AIRE: variants seen among roughly 807,000 people sequenced by gnomAD.
AIRE encodes the protein autoimmune polyendocrinopathy candidiasis ectodermal dystrophy protein.
Under a neutral mutation model 62.1 loss-of-function variants are expected in AIRE, and 52 were observed. That is an observed-to-expected ratio of 0.84 (90% CI 0.67 to 1.06). The LOEUF is 1.06. Among genes scored for constraint, AIRE ranks in the 50% least tolerant of loss-of-function variants. The probability of loss-of-function intolerance (pLI) is 0.00; values close to 1 mark genes in which losing one functional copy is unlikely to be tolerated. For synonymous variants in AIRE, 342 were observed against 321.6 expected, an observed-to-expected ratio of 1.06 and a Z score of -0.68; for missense variants, 774 against 755.8, an observed-to-expected ratio of 1.02 and a Z score of -0.28.
chr21:44,288,302 A>G (rs776389119), intron 4 of AIRE, 43 bp from the exon 5 acceptor site: 2 of 1,426,558 alleles, frequency 1.4e-6, no homozygotes, highest in South Asian at 2.3e-5. Flanking sequence ...GCTTGGGAAC[A>G]GTCTTCCCCA....
At chr21:44,296,847 C>G (rs1014282164) in intron 13 of AIRE, among the ~76,000 whole-genome samples, 5 of 152,134 alleles carry the variant, frequency 3.3e-5, no homozygotes, top group African/African-American at 4.8e-5. Flanking sequence ...TCCCAGACCC[C>G]GTCCCTCTAA....
chr21:44,293,159 G>C lies in AIRE; in HGVS notation c.1262G>C (p.Gly421Ala). 1 of 1,568,610 alleles carries C rather than the reference G, an allele frequency of 6.4e-7. No homozygotes were observed. Among genetic ancestry groups the C allele is most frequent in the East Asian group, 2.3e-5 (1 of 42,948 alleles). ...SSALHPLLCV[G>A]PEGQQNLAPG... ...GCCCTGCACCCCCTACTGTGTGTGG[G>C]TCCTGAGGGTCAGCAGGTGAGCGGG... The change falls in exon 10 of 14, where the codon GGT (glycine) becomes GCT (alanine). Residue 421 changes from glycine to alanine, a missense_variant. Transcript: ENST00000291582.
chr21:44,297,630 G>A lies in AIRE; in HGVS notation c.1567-26G>A, dbSNP rs752396655. The A allele has an allele frequency of 6.3e-7, 1 of 1,595,550 alleles. No individual in the cohort carries two copies. Among genetic ancestry groups the A allele is most frequent in the East Asian group, 2.2e-5 (1 of 44,774 alleles). ...GGCTGCGGCGGGGGCGCACCTGGAG[G>A]TTCTCACCGTCACTCTGTCCCGCAG... On this transcript the variant is annotated intron_variant, in intron 13 of 13. Coordinates refer to ENST00000291582, the MANE Select transcript of AIRE (RefSeq NM_000383.4). This position sits in a 1 kb window ranked among gnomAD's most constrained non-coding sequence, Gnocchi z 4.8.
rs1324885204 is a variant in AIRE, at chr21:44,296,511, G to A, written c.1566+66G>A. 62 of 1,480,048 alleles carry A rather than the reference G, an allele frequency of 4.2e-5. No homozygotes were observed. In the South Asian group the frequency reaches 6.2e-4, roughly 15 times the overall value. The allele number at this position is 1,480,048 out of a possible 1,614,324, so 91.7% of individuals were successfully genotyped here. ...CTCCCCTGCCTCAGCCGGCACCCAG[G>A]CTCCCCACTCTGGGGGAGGACTGCC... On this transcript the variant is annotated intron_variant, in intron 13 of 13. Transcript: ENST00000291582.
Position 44,286,781 on chromosome 21 carries a change from C to T in AIRE, c.307+50C>T, listed in dbSNP as rs1216687217. 6.2e-7 allele frequency: 1 copy of T among 1,602,398 alleles called. No individual in the cohort carries two copies. Among genetic ancestry groups the T allele is most frequent in the African/African-American group, 1.3e-5 (1 of 74,798 alleles). Reference sequence around the variant, plus strand: ...GCTGGGGGCCTGGGGCAGCTGCTGTCACCTGCTCAGCCCAGCTGGACTGGA... The same window carrying T: ...GCTGGGGGCCTGGGGCAGCTGCTGTTACCTGCTCAGCCCAGCTGGACTGGA... On this transcript the variant is annotated intron_variant, in intron 2 of 13. Transcript: ENST00000291582. This position sits in a 1 kb window ranked among gnomAD's most constrained non-coding sequence, Gnocchi z 6.0.
chr21:44,297,866 T>G lies in AIRE; in HGVS notation c.*139T>G. On this transcript the variant is annotated 3_prime_UTR_variant, in exon 14 of 14. Coordinates refer to ENST00000291582, the MANE Select transcript of AIRE (RefSeq NM_000383.4). The surrounding 1 kb of genome is among the most constrained non-coding windows in gnomAD (Gnocchi z 4.8). ...GTCAGTGCTCGGCTGTAAACAGCTC[T>G]GTGTTTCTGGGGACACCAGCCATCA... 1.2e-6 allele frequency: 1 copy of G among 810,066 alleles called. No individual in the cohort carries two copies. The highest frequency in any genetic ancestry group is 2.0e-6 in the Non-Finnish European group (1 of 488,544). 50.2% of individuals were successfully genotyped at this position (810,066 alleles called of 1,614,324 possible).
At chr21:44,296,239 GC>G (rs2040605395) in intron 12 of AIRE, 143 bp from the exon 13 acceptor site, 3 of 822,064 alleles carry the variant, frequency 3.6e-6, no homozygotes, top group South Asian at 2.7e-5. Flanking sequence ...GCAGCCCTGT[GC>G]CCCCACCCCC....
rs771370188 is a variant in AIRE, at chr21:44,292,257, C to T, written c.996-45C>T. 211 of 1,491,376 alleles carry T rather than the reference C, an allele frequency of 1.4e-4. No individual in the cohort carries two copies. In the Admixed American group the frequency reaches 1.7e-3, roughly 12 times the overall value. 92.4% of individuals were successfully genotyped at this position (1,491,376 alleles called of 1,614,324 possible). On this transcript the variant is annotated intron_variant, in intron 8 of 13. Coordinates refer to ENST00000291582, the MANE Select transcript of AIRE (RefSeq NM_000383.4). ...CCCGTGGGTTTGGGGATCTGTCACC[C>T]GCTGTCTTGTTCTGCATGTCTCTGA...
chr21:44,285,975 C>A lies in AIRE; in HGVS notation c.-32C>A. The A allele has an allele frequency of 6.6e-7, 1 of 1,520,768 alleles. No individual in the cohort carries two copies. The highest frequency in any genetic ancestry group is 1.2e-5 in the South Asian group (1 of 83,156). The allele number at this position is 1,520,768 out of a possible 1,614,324, so 94.2% of individuals were successfully genotyped here. On this transcript the variant is annotated 5_prime_UTR_variant, in exon 1 of 14. Coordinates refer to ENST00000291582, the MANE Select transcript of AIRE (RefSeq NM_000383.4). ...GCCAGTGTCCCGGGACCCACCGCGT[C>A]CGCCCCAGCCCCGGGTCCCCGCGCC...
chr21:44,290,207 C>T (rs779927863), intron 7 of AIRE, 139 bp downstream of exon 7: 6 of 1,494,432 alleles, frequency 4.0e-6, no homozygotes, highest in Non-Finnish European at 5.3e-6. Flanking sequence ...AGCTCTTTTT[C>T]TTTAATAGAC....
Position 44,287,459 on chromosome 21 carries a change from A to G in AIRE, c.464-58A>G. On this transcript the variant is annotated intron_variant, in intron 3 of 13. Coordinates refer to ENST00000291582, the MANE Select transcript of AIRE (RefSeq NM_000383.4). This position sits in a 1 kb window ranked among gnomAD's most constrained non-coding sequence, Gnocchi z 4.3. Reference sequence around the variant, plus strand: ...GCCCTCCCACCGCGGGCCCCTGCCCACCGGCACTCACCCCCACTGAGAGGG... The same window carrying G: ...GCCCTCCCACCGCGGGCCCCTGCCCGCCGGCACTCACCCCCACTGAGAGGG... 2 of 1,286,770 alleles carry G rather than the reference A, an allele frequency of 1.6e-6. No homozygotes were observed. The highest frequency in any genetic ancestry group is 2.5e-5 in the East Asian group (1 of 39,642). The allele number at this position is 1,286,770 out of a possible 1,614,324, so 79.7% of individuals were successfully genotyped here.
At chr21:44,293,203 G>T in intron 10 of AIRE, 28 bp downstream of exon 10, 1 of 1,525,622 alleles carries the variant, frequency 6.6e-7, no homozygotes, top group Non-Finnish European at 8.8e-7. Flanking sequence ...GTCAGGGTGG[G>T]CTCTTCAAGG....
chr21:44,288,719 A>T (rs1601965969), intron 5 of AIRE: 4 of 478,482 alleles, frequency 8.4e-6, no homozygotes, highest in Non-Finnish European at 1.5e-5. Context: ...AGTCACCTCC[A>T]TCCATGTGCA....
intron 9 of AIRE, 36 bp downstream of exon 9, chr21:44,292,437 C>T: frequency 6.9e-7 from 1 of 1,446,146 alleles, no homozygotes; most frequent in Admixed American, 2.0e-5. Flanking sequence ...GGCCACCCCT[C>T]CTGTCCACAT....
intron 10 of AIRE, 65 bp from the exon 11 acceptor site, chr21:44,293,724 C>CGG: frequency 6.3e-7 from 1 of 1,591,482 alleles, no homozygotes; most frequent in South Asian, 1.1e-5. Context: ...GCACAGGGCT[C>CGG]GGGTTCGGGT....
At chr21:44,290,772 T>G (rs2040528578) in intron 7 of AIRE, 1 of 1,470,984 alleles carries the variant, frequency 6.8e-7, no homozygotes, top group Admixed American at 1.8e-5. Context: ...GAGACCTCCC[T>G]GGGCCTGGCC....
At chr21:44,292,714 C>G (rs1050890018) in intron 9 of AIRE, among the ~76,000 whole-genome samples, 6 of 152,182 alleles carry the variant, frequency 3.9e-5, no homozygotes, top group African/African-American at 1.4e-4. Context: ...GGTAGTAGGT[C>G]TACTGTGCAC....
chr21:44,289,988 G>T lies in AIRE; in HGVS notation c.799G>T (p.Gly267Cys). The change falls in exon 7 of 14, where the codon GGT (glycine) becomes TGT (cysteine). Residue 267 changes from glycine to cysteine, a missense_variant and splice_region_variant. This residue lies in a region of AIRE where 385 missense variants were observed against 396.0 expected (regional missense o/e 0.97). Coordinates refer to ENST00000291582, the MANE Select transcript of AIRE (RefSeq NM_000383.4). ...TTGCTGACGCCCCTCTTCCTTGCAG[G>T]GTGGAGGTGAGGCTAGGCTGGGCCA... ...RAKGAQGAAP[G>C]GGEARLGQQG... The T allele has an allele frequency of 6.2e-7, 1 of 1,610,976 alleles. No homozygotes were observed. Among genetic ancestry groups the T allele is most frequent in the Non-Finnish European group, 8.5e-7 (1 of 1,179,268 alleles).
At chr21:44,294,684 T>C (rs938863450) in intron 12 of AIRE, among the ~76,000 whole-genome samples, 181 bp downstream of exon 12, 6 of 152,184 alleles carry the variant, frequency 3.9e-5, no homozygotes, top group African/African-American at 1.4e-4. Flanking sequence ...CCAATTCTTT[T>C]TGGCAACTTA....
Sources: allele counts gnomAD v4.1 joint callset (sites outside exome capture counted in the v4.1 genomes callset), GRCh38; gene constraint gnomAD v4.1.1; regional missense constraint gnomAD v4.1.1; non-coding constraint Gnocchi (gnomAD v3.1); transcripts MANE v1.5; gene names NCBI Gene and HGNC (gene_info 2026-07-23, HGNC 2026-07-21).